The following LRRC37A2 variants were observed in gnomAD, a reference collection of about 807,000 sequenced individuals.
The protein encoded by LRRC37A2 is leucine-rich repeat-containing protein 37A2.
In LRRC37A2, 9 loss-of-function variants were observed where a neutral mutation model predicts 68.8. That is an observed-to-expected ratio of 0.13 (90% CI 0.08 to 0.23). LRRC37A2 has a LOEUF of 0.23. LRRC37A2 is among the 10% of genes least tolerant of loss of function. The probability of loss-of-function intolerance (pLI) is 1.00; values close to 1 mark genes in which losing one functional copy is unlikely to be tolerated. For missense variants in LRRC37A2, 168 were observed against 950.4 expected (o/e 0.18, Z 10.82); for synonymous variants, 63 against 367.6 (o/e 0.17, Z 9.48).
the LRRC37A2 span, among the ~76,000 whole-genome samples, chr17:47,008,268 G>T: frequency 1.3e-5 from 2 of 151,044 alleles, no homozygotes; most frequent in South Asian, 2.1e-4. Context: ...CCACCACCAT[G>T]CCCGGCTAAC....
chr17:46,774,149 C>A, the LRRC37A2 span, among the ~76,000 whole-genome samples: 1 of 152,236 alleles, frequency 6.6e-6, no homozygotes, highest in African/African-American at 2.4e-5. Context: ...CCGCAGAAGC[C>A]GCTTGTGGGG....
At chr17:47,003,705 A>G in the LRRC37A2 span, among the ~76,000 whole-genome samples, 1 of 148,718 alleles carries the variant, frequency 6.7e-6, no homozygotes, top group South Asian at 2.1e-4. Context: ...AGACTCATTC[A>G]CTAAGGTCTA....
chr17:46,927,510 T>G, the LRRC37A2 span, among the ~76,000 whole-genome samples: 1 of 152,252 alleles, frequency 6.6e-6, no homozygotes, highest in East Asian at 1.9e-4. Context: ...TCAGAAAGTT[T>G]GAAAGCTGCT....
At chr17:46,893,045 T>G in the LRRC37A2 span, among the ~76,000 whole-genome samples, 2 of 152,098 alleles carry the variant, frequency 1.3e-5, no homozygotes, top group African/African-American at 4.8e-5. Flanking sequence ...AGAATTCTTA[T>G]GGCTCAGCCT....
At chr17:47,003,628 T>G in the LRRC37A2 span, among the ~76,000 whole-genome samples, 5 of 152,232 alleles carry the variant, frequency 3.3e-5, no homozygotes, top group African/African-American at 1.2e-4. Context: ...CATGTTCTTT[T>G]TTTAATTACG....
chr17:46,840,368 G>A, the LRRC37A2 span, among the ~76,000 whole-genome samples: 2 of 152,192 alleles, frequency 1.3e-5, no homozygotes, highest in East Asian at 1.9e-4. Flanking sequence ...TTACAGGCGC[G>A]AGCCACGGTG....
the LRRC37A2 span, chr17:46,876,625 G>A: frequency 6.2e-7 from 1 of 1,610,912 alleles, no homozygotes; most frequent in Non-Finnish European, 8.5e-7. Context: ...GCCGCCTGGT[G>A]GCCTTCTCCT....
the LRRC37A2 span, among the ~76,000 whole-genome samples, chr17:46,752,498 C>T: frequency 1.3e-5 from 2 of 152,138 alleles, no homozygotes; most frequent in Admixed American, 1.3e-4. Flanking sequence ...CTCTGTCTCC[C>T]AGGCCGGAAT....
At chr17:46,872,935 A>C in the LRRC37A2 span, among the ~76,000 whole-genome samples, 1 of 152,078 alleles carries the variant, frequency 6.6e-6, no homozygotes. Context: ...CACAAGAGTT[A>C]ATGAGGGGCA....
At chr17:46,792,707 C>T in the LRRC37A2 span, among the ~76,000 whole-genome samples, 5 of 152,234 alleles carry the variant, frequency 3.3e-5, no homozygotes, top group East Asian at 5.8e-4. Context: ...CTACTGACCA[C>T]GTGATCTGCC....
chr17:46,717,883 C>T, the LRRC37A2 span, among the ~76,000 whole-genome samples: 116 of 152,236 alleles, frequency 7.6e-4, no homozygotes, highest in South Asian at 3.9e-3. Context: ...ACTGGAGCAG[C>T]GTTCAGACCA....
chr17:46,933,631 C>CG, the LRRC37A2 span: 28 of 134,748 alleles, frequency 2.1e-4, 1 homozygote, highest in African/African-American at 7.7e-4. Flanking sequence ...GTGGCATAAC[C>CG]TTTTTTTTTT....
At chr17:46,782,123 G>A in the LRRC37A2 span, among the ~76,000 whole-genome samples, 9 of 152,192 alleles carry the variant, frequency 5.9e-5, no homozygotes, top group African/African-American at 2.2e-4. Context: ...GCTCTCCAGG[G>A]CCAAGTCTCC....
the LRRC37A2 span, among the ~76,000 whole-genome samples, chr17:47,015,417 A>C: frequency 5.3e-5 from 8 of 152,302 alleles, no homozygotes; most frequent in East Asian, 1.4e-3. Flanking sequence ...CAGTAACATA[A>C]AGTACAGGTT....
chr17:46,916,756 G>A, the LRRC37A2 span: 1 of 152,210 alleles, frequency 6.6e-6, no homozygotes, highest in African/African-American at 2.4e-5. Flanking sequence ...CACACACTGG[G>A]TAATGTTTAA....
the LRRC37A2 span, among the ~76,000 whole-genome samples, chr17:46,984,660 G>A: frequency 1.4e-4 from 22 of 152,290 alleles, 1 homozygote; most frequent in South Asian, 3.9e-3. Flanking sequence ...TCCAGAGTCA[G>A]TAAGAAGTCC....
the LRRC37A2 span, chr17:46,942,106 AGT>A: frequency 4.1e-6 from 1 of 243,940 alleles, no homozygotes; most frequent in African/African-American, 2.3e-5. Flanking sequence ...AAATCAAGTC[AGT>A]GTAGAATGTC....
At chr17:46,977,502 C>G in the LRRC37A2 span, among the ~76,000 whole-genome samples, 1 of 152,238 alleles carries the variant, frequency 6.6e-6, no homozygotes, top group Admixed American at 6.5e-5. Flanking sequence ...TCTTGCTGCT[C>G]CACACTGCTG....
At chr17:47,001,246 A>T in the LRRC37A2 span, among the ~76,000 whole-genome samples, 5 of 152,192 alleles carry the variant, frequency 3.3e-5, no homozygotes, top group Admixed American at 2.6e-4. Flanking sequence ...GGGAGCACAG[A>T]GCAAGGAATA....
Sources: allele counts gnomAD v4.1 joint callset (sites outside exome capture counted in the v4.1 genomes callset), GRCh38; gene constraint gnomAD v4.1.1; transcripts MANE v1.5; gene names NCBI Gene and HGNC (gene_info 2026-07-23, HGNC 2026-07-21).